The following ATP2B4 variants were observed in gnomAD, a reference collection of about 807,000 sequenced individuals.
The protein encoded by ATP2B4 is ATPase plasma membrane Ca2+ transporting 4.
A neutral mutation model predicts 110.3 loss-of-function variants in ATP2B4; 39 were observed. That is an observed-to-expected ratio of 0.35 (90% CI 0.27 to 0.46). The LOEUF (loss-of-function observed/expected upper bound fraction) is 0.46, where lower values mean the gene tolerates loss of function less well. Among genes scored for constraint, ATP2B4 ranks in the 20% least tolerant of loss-of-function variants. The probability of loss-of-function intolerance (pLI) is 1.00; values close to 1 mark genes in which losing one functional copy is unlikely to be tolerated. For synonymous variants in ATP2B4, 538 were observed against 571.7 expected (o/e 0.94, Z 0.84); for missense variants, 1,135 against 1,530.9 (o/e 0.74, Z 4.32).
At chr1:203,688,101 G>T (rs940140652) in intron 2 of ATP2B4, among the ~76,000 whole-genome samples, 2 of 151,326 alleles carry the variant, frequency 1.3e-5, no homozygotes, top group African/African-American at 4.8e-5. Flanking sequence ...TCGGCTCACT[G>T]CAACCTCCGC....
At chr1:203,647,581 A>G (rs1480124309) in intron 1 of ATP2B4, among the ~76,000 whole-genome samples, 1 of 152,096 alleles carries the variant, frequency 6.6e-6, no homozygotes, top group Non-Finnish European at 1.5e-5. Context: ...CACCATAGTC[A>G]GACCCCATCT....
At chr1:203,715,545 T>C (rs947884983) in intron 15 of ATP2B4, among the ~76,000 whole-genome samples, 5 of 142,606 alleles carry the variant, frequency 3.5e-5, no homozygotes, top group Non-Finnish European at 6.2e-5. Context: ...AGAGCAAGAT[T>C]CCGTCTCAAA....
chr1:203,687,161 A>G (rs1267294788), intron 2 of ATP2B4, among the ~76,000 whole-genome samples: 1 of 151,878 alleles, frequency 6.6e-6, no homozygotes, highest in East Asian at 1.9e-4. Context: ...TTGGAAAACA[A>G]CCTTTCCATT....
In ATP2B4 at chr1:203,700,120, A is replaced by C. The variant is rs1439982084; in HGVS notation, c.650-86A>C. On this transcript the variant is annotated intron_variant, in intron 4 of 20. Transcript: ENST00000357681. ...TAGGGCCCATGGGAACAGCCATGAG[A>C]TAGGGTTGAAGGAGTTGGAGGACCC... 4.1e-6 allele frequency: 6 copies of C among 1,476,702 alleles called. No homozygotes were observed. The African/African-American group carries it at 7.0e-5, about 17-fold the overall frequency. The allele number at this position is 1,476,702 out of a possible 1,614,324, so 91.5% of individuals were successfully genotyped here. A position where few individuals can be genotyped will look rare whatever the true frequency, so the allele number is the denominator to read the frequency against.
chr1:203,674,987 G>A (rs1020288600), intron 1 of ATP2B4, among the ~76,000 whole-genome samples: 2 of 152,170 alleles, frequency 1.3e-5, no homozygotes, highest in Non-Finnish European at 2.9e-5. Flanking sequence ...GGGATTACAG[G>A]CATGAGCCAC....
intron 2 of ATP2B4, among the ~76,000 whole-genome samples, chr1:203,696,549 CA>C (rs1161183319): frequency 1.3e-5 from 2 of 152,330 alleles, no homozygotes; most frequent in Middle Eastern, 3.4e-3. Flanking sequence ...CTTCCAGTGC[CA>C]AAACCAGGAC....
Position 203,739,801 on chromosome 1 carries a change from G to C in ATP2B4, c.3565G>C (p.Val1189Leu), listed in dbSNP as rs558729799. 48 of 1,614,162 alleles carry C rather than the reference G, an allele frequency of 3.0e-5. No individual in the cohort carries two copies. The highest frequency in any genetic ancestry group is 2.8e-4 in the Admixed American group (17 of 60,028). Residue 1189 changes from valine to leucine, a missense_variant, in exon 21 of 21, where the codon GTG (valine) becomes CTG (leucine). Coordinates refer to ENST00000357681, the MANE Select transcript of ATP2B4 (RefSeq NM_001684.5). ...TNNNAVDCNQ[V>L]QLPQSDSSLQ... Reference sequence around the variant, plus strand: ...CAACAATGCGGTGGATTGCAACCAAGTGCAGCTCCCCCAGTCGGACAGCTC... The same window carrying C: ...CAACAATGCGGTGGATTGCAACCAACTGCAGCTCCCCCAGTCGGACAGCTC...
intron 1 of ATP2B4, among the ~76,000 whole-genome samples, chr1:203,640,879 C>T (rs1386045699): frequency 1.3e-5 from 2 of 152,148 alleles, no homozygotes. Flanking sequence ...TTGACAAGAA[C>T]ATGGGAAGTT....
chr1:203,711,752 T>C (rs991114982), intron 12 of ATP2B4, among the ~76,000 whole-genome samples: 3 of 152,138 alleles, frequency 2.0e-5, no homozygotes, highest in Admixed American at 2.0e-4. Flanking sequence ...CATGGTACAA[T>C]AGGGCAAATT....
intron 2 of ATP2B4, among the ~76,000 whole-genome samples, chr1:203,692,869 C>T (rs1042263945): frequency 6.6e-6 from 1 of 152,176 alleles, no homozygotes; most frequent in African/African-American, 2.4e-5. Flanking sequence ...GGGCAGGGGC[C>T]GTGCACCTCC....
chr1:203,699,372 A>C lies in ATP2B4; in HGVS notation c.392-88A>C, dbSNP rs1665623968. 2.1e-5 allele frequency: 33 copies of C among 1,547,330 alleles called. 1 individual carries two copies. The South Asian group carries it at 3.8e-4, about 18-fold the overall frequency. ...TATTATTCACTTTTCCTGACTTTCT[A>C]TCTTGGGGTGATTGTGGAAGCACTA... is the stretch of plus-strand genomic sequence containing the variant. On this transcript the variant is annotated intron_variant, in intron 3 of 20. Coordinates refer to ENST00000357681, the MANE Select transcript of ATP2B4 (RefSeq NM_001684.5).
At chr1:203,667,098 C>T (rs756631685) in intron 1 of ATP2B4, among the ~76,000 whole-genome samples, 2 of 152,048 alleles carry the variant, frequency 1.3e-5, no homozygotes, top group Middle Eastern at 3.2e-3. Context: ...ACTATAGGTG[C>T]GCACCACCAT....
chr1:203,632,525 A>G (rs1038616716), intron 1 of ATP2B4, among the ~76,000 whole-genome samples: 18 of 151,086 alleles, frequency 1.2e-4, no homozygotes, highest in African/African-American at 3.9e-4. Flanking sequence ...TTGTATTTTT[A>G]GTAGAGACAG....
At chr1:203,657,953 C>G (rs1377359314) in intron 1 of ATP2B4, among the ~76,000 whole-genome samples, 1 of 152,080 alleles carries the variant, frequency 6.6e-6, no homozygotes, top group Non-Finnish European at 1.5e-5. Context: ...ATCCGCCCCC[C>G]TCAACCTCCC....
intron 1 of ATP2B4, among the ~76,000 whole-genome samples, chr1:203,646,511 C>CCCAG (rs1356639322): frequency 1.3e-5 from 2 of 152,292 alleles, no homozygotes; most frequent in Non-Finnish European, 2.9e-5. Flanking sequence ...CGCCTGTAAT[C>CCCAG]CCAGCACCTT....
chr1:203,641,659 T>C (rs1003214476), intron 1 of ATP2B4, among the ~76,000 whole-genome samples: 2 of 152,184 alleles, frequency 1.3e-5, no homozygotes, highest in African/African-American at 4.8e-5. Flanking sequence ...TCTTACAACA[T>C]GCTATGGTTC....
At chr1:203,648,734 A>G (rs1475304026) in intron 1 of ATP2B4, among the ~76,000 whole-genome samples, 2 of 152,196 alleles carry the variant, frequency 1.3e-5, no homozygotes, top group African/African-American at 4.8e-5. Context: ...CCCCTGGCCC[A>G]TACCAAGGTT....
chr1:203,647,152 C>T (rs1663825726), intron 1 of ATP2B4, among the ~76,000 whole-genome samples: 2 of 151,924 alleles, frequency 1.3e-5, no homozygotes, highest in Non-Finnish European at 2.9e-5. Context: ...AATAAAGAAG[C>T]TGATGGGCTG....
intron 1 of ATP2B4, among the ~76,000 whole-genome samples, chr1:203,674,401 G>T (rs759375367): frequency 6.6e-6 from 1 of 152,116 alleles, no homozygotes; most frequent in African/African-American, 2.4e-5. Flanking sequence ...GGTGACCCAG[G>T]CCAGTGTGAC....
Sources: gnomAD v4.1 joint callset for allele counts (sites outside exome capture counted in the v4.1 genomes callset) on GRCh38, gnomAD v4.1.1 for gene constraint, MANE v1.5 for transcripts, NCBI Gene and HGNC (gene_info 2026-07-23, HGNC 2026-07-21) for gene names.